Variants in TMEM132D observed in about 807,000 individuals in gnomAD.
TMEM132D encodes mature OL transmembrane protein.
In TMEM132D, 21 loss-of-function variants were observed where a neutral mutation model predicts 62.3. The observed-to-expected ratio is 0.34, with a 90% CI of 0.24 to 0.49. The LOEUF (loss-of-function observed/expected upper bound fraction) is 0.49. TMEM132D is among the 20% of genes least tolerant of loss of function. The pLI, the probability that TMEM132D is intolerant of heterozygous loss-of-function variation, is 0.99. For missense variants in TMEM132D, 1,346 were observed against 1,402.8 expected (o/e 0.96, Z 0.65); for synonymous variants, 621 against 575.6 (o/e 1.08, Z -1.13).
intron 3 of TMEM132D, among the ~76,000 whole-genome samples, chr12:129,348,380 AGC>A (rs1443162167): frequency 6.6e-6 from 1 of 152,250 alleles, no homozygotes; most frequent in East Asian, 1.9e-4. Flanking sequence ...CAGCCATAAA[AGC>A]AAATGAGTTC....
chr12:129,575,754 A>ATT lies in TMEM132D; in HGVS notation c.969-44551_969-44550dup, dbSNP rs71082736. The stretch of plus-strand genomic sequence containing the variant: ...TTCAATTATGTCTGCAGATAGATAC[A>ATT]TTTTTTTTTTTTTTTTTTTTTTTTT... On this transcript the variant is annotated intron_variant, in intron 2 of 8. Transcript: ENST00000422113. 2.9e-3 allele frequency among the ~76,000 whole-genome samples: 41 copies of ATT among 13,972 alleles called. 20 individuals are homozygous for ATT. Among genetic ancestry groups the ATT allele is most frequent in the African/African-American group, 0.014 (40 of 2,930 alleles). The allele number at this position is 13,972 out of a possible 152,430, so 9.2% of individuals were successfully genotyped here.
intron 3 of TMEM132D, among the ~76,000 whole-genome samples, chr12:129,435,213 A>G (rs1872757824): frequency 2.0e-5 from 3 of 152,152 alleles, no homozygotes; most frequent in African/African-American, 4.8e-5. Context: ...TAATCCATTG[A>G]TCTGTTGATG....
Position 129,700,248 on chromosome 12 carries a change from C to A in TMEM132D, c.530G>T (p.Arg177Leu), listed in dbSNP as rs1881352160. 1 of 1,613,098 alleles carries A rather than the reference C, an allele frequency of 6.2e-7. No individual in the cohort carries two copies. Among genetic ancestry groups the A allele is most frequent in the Non-Finnish European group, 8.5e-7 (1 of 1,179,930 alleles). The change falls in exon 2 of 9, where the codon CGA (arginine) becomes CTA (leucine). Residue 177 changes from arginine (R) to leucine (L), a missense_variant. Arg to Leu is a moderately radical substitution (Grantham distance 102). Coordinates refer to ENST00000422113, the MANE Select transcript of TMEM132D (RefSeq NM_133448.3). ...CAGCCGGCAGCTGCCCCGCACCTCT[C>A]GGGTCTCTCGGAAAGCAAAGACCCT... ...CLRVFAFRET[R>L]EVRGSCRLQG...
chr12:129,563,258 T>C (rs905373926), intron 2 of TMEM132D, among the ~76,000 whole-genome samples: 1 of 152,224 alleles, frequency 6.6e-6, no homozygotes, highest in Admixed American at 6.5e-5. Flanking sequence ...TCCATTTTCA[T>C]AAAACCTTCA....
At chr12:129,615,964 C>T (rs911515374) in intron 2 of TMEM132D, among the ~76,000 whole-genome samples, 3 of 152,124 alleles carry the variant, frequency 2.0e-5, no homozygotes, top group Non-Finnish European at 4.4e-5. Context: ...ACCTGCCTGG[C>T]CCAGGGAGGC....
In TMEM132D at chr12:129,074,187, A is replaced by G. The variant is rs1338493720; in HGVS notation, c.2988T>C (p.Asp996=). 1 of 1,613,812 alleles carries G rather than the reference A, an allele frequency of 6.2e-7. No homozygotes were observed. ...TGAGGAGATATTTACTTTCCTCGAA[A>G]TCCATGCCCCTGTCAATGGCAGTGA... ...EQITAIDRGM[D]FEESKYLLST... The change falls in exon 9 of 9, where the codon GAT becomes GAC. Residue 996 remains aspartate, a synonymous_variant. Transcript: ENST00000422113.
intron 1 of TMEM132D, among the ~76,000 whole-genome samples, chr12:129,866,990 G>A (rs1326950245): frequency 1.3e-5 from 2 of 152,104 alleles, no homozygotes; most frequent in East Asian, 1.9e-4. Context: ...GCTCATGCCT[G>A]TAATCCCGGC....
rs148125429 is a variant in TMEM132D at position 129,310,942 on chromosome 12, C to T, written c.1299+26692G>A. Among the ~76,000 whole-genome samples, 305 of 152,134 alleles carry T rather than the reference C, an allele frequency of 2.0e-3. 1 individual carries two copies. The highest frequency in any genetic ancestry group is 7.1e-3 in the African/African-American group (295 of 41,448). The stretch of plus-strand genomic sequence containing the variant: ...GAAAGAAAGGTCCTAGGATAATTCT[C>T]ATTGAACAAAAAGGAACAGGCCGAG... On this transcript the variant is annotated intron_variant, in intron 4 of 8. Transcript: ENST00000422113.
intron 7 of TMEM132D, among the ~76,000 whole-genome samples, chr12:129,081,205 C>G (rs1356843967): frequency 1.2e-4 from 18 of 152,214 alleles, no homozygotes; most frequent in Non-Finnish European, 2.4e-4. Context: ...TCATGTGTTT[C>G]AAGCGTGAGC....
In TMEM132D at chr12:129,179,857, G is replaced by A. The variant is rs566391969; in HGVS notation, c.1443+29663C>T. On this transcript the variant is annotated intron_variant, in intron 5 of 8. Coordinates refer to ENST00000422113, the MANE Select transcript of TMEM132D (RefSeq NM_133448.3). The stretch of plus-strand genomic sequence containing the variant: ...AGCCTGGCCAACATGGCGAAACTCC[G>A]TCTCTACTAAAAATACAAAAATTAG... Among the ~76,000 whole-genome samples, 7 of 152,000 alleles carry A rather than the reference G, an allele frequency of 4.6e-5. No homozygotes were observed. In the South Asian group the frequency reaches 1.0e-3, roughly 23 times the overall value.
At chr12:129,526,565 G>A (rs1203871210) in intron 3 of TMEM132D, among the ~76,000 whole-genome samples, 1 of 152,176 alleles carries the variant, frequency 6.6e-6, no homozygotes, top group African/African-American at 2.4e-5. Flanking sequence ...TTACAGGCAT[G>A]AGCCACCACT....
intron 2 of TMEM132D, among the ~76,000 whole-genome samples, chr12:129,535,643 G>A (rs545079580): frequency 9.1e-4 from 139 of 152,264 alleles, no homozygotes; most frequent in African/African-American, 3.1e-3. Context: ...AATTCACACT[G>A]GGGCTATTGA....
At chr12:129,344,782 G>A (rs1044349399) in intron 3 of TMEM132D, among the ~76,000 whole-genome samples, 3 of 152,050 alleles carry the variant, frequency 2.0e-5, no homozygotes, top group Non-Finnish European at 4.4e-5. Context: ...GGGTCTTAGG[G>A]ATTTTAACTT....
At chr12:129,648,395 C>T (rs1052199973) in intron 2 of TMEM132D, among the ~76,000 whole-genome samples, 2 of 152,158 alleles carry the variant, frequency 1.3e-5, no homozygotes, top group East Asian at 3.9e-4. Flanking sequence ...AAACCCTAGC[C>T]TCCAAATTGT....
chr12:129,764,582 ATGTGTGTTTGTATG>A (rs536428622), intron 1 of TMEM132D, among the ~76,000 whole-genome samples: 865 of 74,570 alleles, frequency 0.012, 6 homozygotes, highest in Non-Finnish European at 0.015. Context: ...GTGTATTTGT[ATGTGTGTTTGTATG>A]TGTGTGTGTG....
intron 3 of TMEM132D, among the ~76,000 whole-genome samples, chr12:129,496,852 C>G (rs1261218461): frequency 1.3e-5 from 2 of 152,220 alleles, no homozygotes; most frequent in Non-Finnish European, 2.9e-5. Context: ...CCTCCGCCCT[C>G]TTTTGCACCC....
At chr12:129,318,817 G>C (rs1868576236) in intron 4 of TMEM132D, among the ~76,000 whole-genome samples, 1 of 152,148 alleles carries the variant, frequency 6.6e-6, no homozygotes, top group African/African-American at 2.4e-5. Context: ...ATGGGGGATG[G>C]AGGTGAGATT....
At chr12:129,352,966 G>T (rs1855834245) in intron 3 of TMEM132D, among the ~76,000 whole-genome samples, 1 of 152,100 alleles carries the variant, frequency 6.6e-6, no homozygotes, top group South Asian at 2.1e-4. Flanking sequence ...TAATAAACTT[G>T]CTTTTGATTT....
chr12:129,852,579 A>G (rs1209302018), intron 1 of TMEM132D: 1 of 152,316 alleles, frequency 6.6e-6, no homozygotes, highest in African/African-American at 2.4e-5. Context: ...AAAACAATGT[A>G]CAACCAATTC....
Sources: allele counts gnomAD v4.1 joint callset (sites outside exome capture counted in the v4.1 genomes callset), GRCh38; gene constraint gnomAD v4.1.1; transcripts MANE v1.5; gene names NCBI Gene and HGNC (gene_info 2026-07-23, HGNC 2026-07-21).